NRXN3: variants seen among roughly 807,000 people sequenced by gnomAD.
The protein encoded by NRXN3 is neurexin 3, also known as neurexin III.
Under a neutral mutation model 137.6 loss-of-function variants are expected in NRXN3, and 32 were observed. The observed-to-expected ratio is 0.23, with a 90% CI of 0.18 to 0.31. The LOEUF (loss-of-function observed/expected upper bound fraction) is 0.31. Ranked by LOEUF, NRXN3 falls within the 10% of genes least tolerant of loss-of-function variation. The probability of loss-of-function intolerance (pLI) is 1.00; values close to 1 mark genes in which losing one functional copy is unlikely to be tolerated. For synonymous variants in NRXN3, 798 were observed against 784.5 expected (o/e 1.02, Z -0.29); for missense variants, 1,574 against 2,062.5 (o/e 0.76, Z 4.59).
At chr14:79,520,994 A>G (rs1469270453) in intron 16 of NRXN3, among the ~76,000 whole-genome samples, 1 of 152,204 alleles carries the variant, frequency 6.6e-6, no homozygotes, top group Non-Finnish European at 1.5e-5. Context: ...ACTGTTTACA[A>G]TAGCAAAGAC....
rs1286748410 is a variant in NRXN3, at chr14:78,943,613, AAAAAAAAAATATAT to A, written c.2276-13627_2276-13614del. ...AGAAAAGAAGCAAGATCACTGTTAA[AAAAAAAAAATATAT>A]ATATATATATATATATATATATATA... On this transcript the variant is annotated intron_variant, in intron 10 of 20. Coordinates refer to ENST00000335750, the MANE Select transcript of NRXN3 (RefSeq NM_001330195.2). Among the ~76,000 whole-genome samples, 24 of 30,998 alleles carry A rather than the reference AAAAAAAAAATATAT, an allele frequency of 7.7e-4. 1 individual carries two copies. Among genetic ancestry groups the A allele is most frequent in the South Asian group, 4.1e-3 (3 of 724 alleles). The allele number at this position is 30,998 out of a possible 152,430, so 20.3% of individuals were successfully genotyped here.
intron 16 of NRXN3, among the ~76,000 whole-genome samples, chr14:79,563,313 TAACTC>T (rs1433786993): frequency 6.6e-6 from 1 of 152,050 alleles, no homozygotes; most frequent in Non-Finnish European, 1.5e-5. Context: ...CTAATATACT[TAACTC>T]AAGCCTATTC....
intron 16 of NRXN3, among the ~76,000 whole-genome samples, chr14:79,562,787 A>G (rs1023408786): frequency 1.3e-4 from 20 of 152,204 alleles, no homozygotes; most frequent in Non-Finnish European, 2.1e-4. Flanking sequence ...ATAGACTCCC[A>G]TCCTATACTT....
intron 4 of NRXN3, among the ~76,000 whole-genome samples, chr14:78,348,977 G>A (rs1343317720): frequency 6.6e-6 from 1 of 152,178 alleles, no homozygotes; most frequent in Non-Finnish European, 1.5e-5. Context: ...CACACAAGCA[G>A]CCAATTTATT....
chr14:79,064,500 T>G (rs1390969034), intron 15 of NRXN3, among the ~76,000 whole-genome samples: 3 of 152,064 alleles, frequency 2.0e-5, no homozygotes, highest in Admixed American at 2.0e-4. Flanking sequence ...TTTTGGTCTA[T>G]AGTTGGTTCC....
intron 17 of NRXN3, among the ~76,000 whole-genome samples, chr14:79,679,241 TAC>T (rs979531516): frequency 4.6e-5 from 7 of 152,252 alleles, no homozygotes; most frequent in Non-Finnish European, 8.8e-5. Context: ...AATCTCTCTA[TAC>T]ACACACACCC....
chr14:79,130,482 T>A (rs2152958321), intron 15 of NRXN3, among the ~76,000 whole-genome samples: 1 of 152,220 alleles, frequency 6.6e-6, no homozygotes. Context: ...AAAATTCTTT[T>A]CTTTAAGAAT....
intron 19 of NRXN3, among the ~76,000 whole-genome samples, chr14:79,716,973 T>C (rs1390919024): frequency 6.6e-6 from 1 of 152,216 alleles, no homozygotes; most frequent in African/African-American, 2.4e-5. Flanking sequence ...GATAAGTTCT[T>C]CACTCTTTAA....
chr14:78,274,639 T>C (rs1296087526), intron 2 of NRXN3, among the ~76,000 whole-genome samples: 1 of 152,240 alleles, frequency 6.6e-6, no homozygotes, highest in Non-Finnish European at 1.5e-5. Flanking sequence ...GCTGAGCATA[T>C]GCACTTGTGG....
chr14:79,181,411 G>A (rs564787502), intron 15 of NRXN3, among the ~76,000 whole-genome samples: 4 of 152,060 alleles, frequency 2.6e-5, no homozygotes, highest in African/African-American at 4.8e-5. Flanking sequence ...GGCTGGGCAC[G>A]GTGGCTCACG....
chr14:78,200,849 C>G (rs2061611416), intron 1 of NRXN3, among the ~76,000 whole-genome samples: 1 of 152,104 alleles, frequency 6.6e-6, no homozygotes, highest in Non-Finnish European at 1.5e-5. Context: ...ATTGTTTGAT[C>G]ATGGGGTTTG....
At position 79,680,290 on chromosome 14, in the gene NRXN3, C is replaced by T. The variant is rs138080784; in HGVS notation, c.3617-11883C>T. On this transcript the variant is annotated intron_variant, in intron 17 of 20. Transcript: ENST00000335750. ...TTTGGGCGGCTGAGGCAGGGGAAGGCGGGAAAATTGCTTGAGCCCAGGAGG... is the reference window on the plus strand; with the variant it reads ...TTTGGGCGGCTGAGGCAGGGGAAGGTGGGAAAATTGCTTGAGCCCAGGAGG... Among the ~76,000 whole-genome samples the T allele has an allele frequency of 2.5e-3, 378 of 152,066 alleles. 3 individuals are homozygous for T. The highest frequency in any genetic ancestry group is 8.7e-3 in the African/African-American group (360 of 41,490).
intron 10 of NRXN3, among the ~76,000 whole-genome samples, chr14:78,945,858 A>T (rs2099364122): frequency 6.6e-6 from 1 of 152,198 alleles, no homozygotes; most frequent in Non-Finnish European, 1.5e-5. Context: ...GATTTGTCGC[A>T]TCCTGGATTT....
chr14:78,624,570 G>T (rs2097436619), intron 4 of NRXN3, among the ~76,000 whole-genome samples: 1 of 152,220 alleles, frequency 6.6e-6, no homozygotes, highest in African/African-American at 2.4e-5. Context: ...GCCATCTTTT[G>T]TTGGGAAGAG....
intron 4 of NRXN3, among the ~76,000 whole-genome samples, chr14:78,523,113 C>G (rs905306697): frequency 6.6e-6 from 1 of 152,168 alleles, no homozygotes; most frequent in East Asian, 1.9e-4. Context: ...ACAATAGACA[C>G]AAGTCTGATC....
At chr14:79,308,711 C>T (rs1465544577) in intron 15 of NRXN3, among the ~76,000 whole-genome samples, 1 of 151,858 alleles carries the variant, frequency 6.6e-6, no homozygotes, top group Admixed American at 6.6e-5. Context: ...AGAACAAAAT[C>T]AAAAGTGTCT....
At chr14:79,700,304 G>C (rs61993165) in intron 19 of NRXN3, among the ~76,000 whole-genome samples, 14,009 of 152,020 alleles carry the variant, frequency 0.092, 788 homozygotes, top group East Asian at 0.22. Flanking sequence ...ATCTCTGGGA[G>C]ATACTTCAGA....
At chr14:79,145,378 G>T (rs974365633) in intron 15 of NRXN3, among the ~76,000 whole-genome samples, 1 of 152,082 alleles carries the variant, frequency 6.6e-6, no homozygotes, top group Non-Finnish European at 1.5e-5. Flanking sequence ...GAGACCGAAA[G>T]TCATATCTCA....
intron 4 of NRXN3, among the ~76,000 whole-genome samples, chr14:78,522,219 T>C (rs575823471): frequency 2.0e-4 from 31 of 152,330 alleles, no homozygotes; most frequent in African/African-American, 4.3e-4. Context: ...TTACATATCA[T>C]TTAATCAACA....
Sources: allele counts gnomAD v4.1 joint callset (sites outside exome capture counted in the v4.1 genomes callset), GRCh38; gene constraint gnomAD v4.1.1; transcripts MANE v1.5; gene names NCBI Gene and HGNC (gene_info 2026-07-23, HGNC 2026-07-21).